CHRNA7: variants seen among roughly 807,000 people sequenced by gnomAD.
CHRNA7 encodes cholinergic receptor nicotinic alpha 7 subunit, also known as neuronal acetylcholine receptor subunit alpha-7.
Under a neutral mutation model 48.0 loss-of-function variants are expected in CHRNA7, and 17 were observed. The observed-to-expected ratio is 0.35, with a 90% CI of 0.24 to 0.53. The LOEUF (loss-of-function observed/expected upper bound fraction) is 0.53, where lower values mean the gene tolerates loss of function less well. Among genes scored for constraint, CHRNA7 ranks in the 20% least tolerant of loss-of-function variants. The probability of loss-of-function intolerance (pLI) is 0.92; values close to 1 mark genes in which losing one functional copy is unlikely to be tolerated. For synonymous variants in CHRNA7, 75 were observed against 242.3 expected (o/e 0.31, Z 6.41); for missense variants, 155 against 577.7 (o/e 0.27, Z 7.50).
chr15:32,114,004 GAGA>G (rs2050806726), intron 4 of CHRNA7, among the ~76,000 whole-genome samples: 1 of 141,576 alleles, frequency 7.1e-6, no homozygotes, highest in Non-Finnish European at 1.5e-5. Context: ...GTGACAGAGT[GAGA>G]TGCTATCTCC....
chr15:32,110,009 A>G (rs1236105889), intron 3 of CHRNA7, among the ~76,000 whole-genome samples: 3 of 152,106 alleles, frequency 2.0e-5, no homozygotes, highest in African/African-American at 4.8e-5. Context: ...GGAGAAGGAG[A>G]GAAGTGCCTT....
At chr15:32,031,296 C>A (rs77344797) in intron 2 of CHRNA7, among the ~76,000 whole-genome samples, 3 of 152,304 alleles carry the variant, frequency 2.0e-5, no homozygotes, top group African/African-American at 7.2e-5. Context: ...TTACTTGGGT[C>A]CCACCTTTCT....
chr15:32,137,223 G>A (rs111346631), intron 4 of CHRNA7, among the ~76,000 whole-genome samples: 14 of 151,760 alleles, frequency 9.2e-5, no homozygotes, highest in African/African-American at 3.4e-4. Context: ...CATTTAAATC[G>A]AACGATAGAC....
At position 32,135,539 on chromosome 15, in the gene CHRNA7, C is replaced by T. The variant is rs187594941; in HGVS notation, c.351-18368C>T. On this transcript the variant is annotated intron_variant, in intron 4 of 9. Transcript: ENST00000306901. ...CTATCAGCTGCTTACGGTCCGCGCA[C>T]AGTGGCAAAGCAGCTCAGACAGTGA... Among the ~76,000 whole-genome samples, 9 of 152,306 alleles carry T rather than the reference C, an allele frequency of 5.9e-5. No individual in the cohort carries two copies. In the East Asian group the frequency reaches 1.7e-3, roughly 29 times the overall value.
Position 32,149,463 on chromosome 15 carries a change from G to A in CHRNA7, c.351-4444G>A, listed in dbSNP as rs2051573622. Among the ~76,000 whole-genome samples, 2 of 152,104 alleles carry A rather than the reference G, an allele frequency of 1.3e-5. No homozygotes were observed. Among genetic ancestry groups the A allele is most frequent in the South Asian group, 4.1e-4 (2 of 4,828 alleles). On this transcript the variant is annotated intron_variant, in intron 4 of 9. Coordinates refer to ENST00000306901, the MANE Select transcript of CHRNA7 (RefSeq NM_000746.6). This position sits in a 1 kb window ranked among gnomAD's most constrained non-coding sequence, Gnocchi z 4.6. The stretch of plus-strand genomic sequence containing the variant: ...TCTTCATTTCCCACCTCAGATCACT[G>A]TTTTCAAACTCAGTTTTCAGCAACA...
At chr15:32,130,339 C>T (rs2051133353) in intron 4 of CHRNA7, among the ~76,000 whole-genome samples, 1 of 151,828 alleles carries the variant, frequency 6.6e-6, no homozygotes, top group Non-Finnish European at 1.5e-5. Flanking sequence ...GTTCTGGGGT[C>T]ATGTATTTTG....
At chr15:32,064,275 T>G (rs2049927276) in intron 2 of CHRNA7, among the ~76,000 whole-genome samples, 1 of 152,146 alleles carries the variant, frequency 6.6e-6, no homozygotes, top group African/African-American at 2.4e-5. Flanking sequence ...TCTTCTTTCT[T>G]TCTTCTGCTT....
In CHRNA7 at chr15:32,125,657, G is replaced by A. The variant is rs2051053576; in HGVS notation, c.350+13758G>A. On this transcript the variant is annotated intron_variant, in intron 4 of 9. Transcript: ENST00000306901. ...GATCTAGATCCTGCTTGCCTGGTTT[G>A]CTCTTCTGATTCGATGTTCCAATAT... 1.3e-5 allele frequency among the ~76,000 whole-genome samples: 2 copies of A among 152,186 alleles called. 1 individual carries two copies. Among genetic ancestry groups the A allele is most frequent in the South Asian group, 4.1e-4 (2 of 4,828 alleles).
chr15:32,112,150 T>A, intron 4 of CHRNA7: 1 of 613,664 alleles, frequency 1.6e-6, no homozygotes, highest in Non-Finnish European at 3.0e-6. Context: ...TGAAGTTGTA[T>A]GTTCTCGGGG....
chr15:32,097,364 G>A (rs949655488), intron 2 of CHRNA7, among the ~76,000 whole-genome samples: 1 of 152,102 alleles, frequency 6.6e-6, no homozygotes, highest in Non-Finnish European at 1.5e-5. Context: ...AATCCCCAAG[G>A]CGATGGTATT....
intron 4 of CHRNA7, among the ~76,000 whole-genome samples, chr15:32,129,105 T>C (rs1330621842): frequency 6.6e-6 from 1 of 151,974 alleles, no homozygotes; most frequent in Non-Finnish European, 1.5e-5. Context: ...TGGAACAAAC[T>C]CTACTTGGTC....
chr15:32,049,839 C>T (rs561883690), intron 2 of CHRNA7, among the ~76,000 whole-genome samples: 8 of 152,136 alleles, frequency 5.3e-5, no homozygotes, highest in African/African-American at 1.9e-4. Flanking sequence ...TAGGGCAGGC[C>T]TGGTGGTGAC....
intron 2 of CHRNA7, among the ~76,000 whole-genome samples, chr15:32,033,729 G>T (rs775657322): frequency 6.6e-6 from 1 of 152,156 alleles, no homozygotes; most frequent in Admixed American, 6.5e-5. Context: ...TCTCATAAAG[G>T]CTTCGTGTGG....
intron 2 of CHRNA7, among the ~76,000 whole-genome samples, chr15:32,046,826 C>T (rs1442966700): frequency 6.6e-6 from 1 of 151,702 alleles, no homozygotes; most frequent in Non-Finnish European, 1.5e-5. Flanking sequence ...GTCTTTAATC[C>T]ATCTTGAATT....
chr15:32,039,680 T>G (rs971365197), intron 2 of CHRNA7, among the ~76,000 whole-genome samples: 1 of 152,166 alleles, frequency 6.6e-6, no homozygotes, highest in Non-Finnish European at 1.5e-5. Context: ...GGCACAATTA[T>G]GGGGAATATT....
At chr15:32,076,969 CT>C (rs1400384497) in intron 2 of CHRNA7, among the ~76,000 whole-genome samples, 1 of 152,134 alleles carries the variant, frequency 6.6e-6, no homozygotes, top group Non-Finnish European at 1.5e-5. Flanking sequence ...AACCCTTGGT[CT>C]TTTTATAGTA....
intron 4 of CHRNA7, among the ~76,000 whole-genome samples, chr15:32,133,214 A>C (rs2051186560): frequency 6.6e-6 from 1 of 152,242 alleles, no homozygotes; most frequent in Non-Finnish European, 1.5e-5. Flanking sequence ...GCTGGGGATA[A>C]TTAGCTTCCT....
intron 2 of CHRNA7, among the ~76,000 whole-genome samples, chr15:32,039,217 T>C (rs1028641358): frequency 1.3e-5 from 2 of 152,186 alleles, no homozygotes; most frequent in African/African-American, 4.8e-5. Flanking sequence ...ACAGATTTTG[T>C]TTTTGTTCAT....
At chr15:32,043,557 A>C (rs946006662) in intron 2 of CHRNA7, among the ~76,000 whole-genome samples, 3 of 152,128 alleles carry the variant, frequency 2.0e-5, no homozygotes. Flanking sequence ...TCTGGAGATT[A>C]CAATAGGAAT....
Sources: allele counts gnomAD v4.1 joint callset (sites outside exome capture counted in the v4.1 genomes callset), GRCh38; gene constraint gnomAD v4.1.1; non-coding constraint Gnocchi (gnomAD v3.1); transcripts MANE v1.5; gene names NCBI Gene and HGNC (gene_info 2026-07-23, HGNC 2026-07-21).